Variants in CHD9 observed in about 807,000 individuals in gnomAD.
CHD9 encodes the protein chromodomain helicase DNA binding protein 9.
CHD9 carries 77 observed loss-of-function variants against 316.1 expected under a neutral mutation model. The observed-to-expected ratio is 0.24, with a 90% confidence interval of 0.20 to 0.29. The LOEUF is 0.29. Ranked by LOEUF, CHD9 falls within the 10% of genes least tolerant of loss-of-function variation. CHD9 has a pLI of 1.00. For synonymous variants in CHD9, 1,129 were observed against 1,158.3 expected (o/e 0.97, Z 0.51); for missense variants, 2,763 against 3,438.1 (o/e 0.80, Z 4.91).
At chr16:53,165,246 A>G (rs1024244469) in intron 2 of CHD9, among the ~76,000 whole-genome samples, 54 of 152,206 alleles carry the variant, frequency 3.5e-4, no homozygotes, top group Admixed American at 8.5e-4. Flanking sequence ...TTAAGATTCT[A>G]TGGTTGTAAT....
intron 18 of CHD9, 38 bp downstream of exon 18, chr16:53,254,643 G>GT (rs750459710): frequency 2.9e-5 from 45 of 1,539,404 alleles, no homozygotes; most frequent in Non-Finnish European, 3.6e-5. Context: ...ATTTTTGTGT[G>GT]TTTTTGCATT....
intron 1 of CHD9, among the ~76,000 whole-genome samples, chr16:53,135,199 TAAG>T (rs1444233437): frequency 6.6e-6 from 1 of 152,108 alleles, no homozygotes; most frequent in African/African-American, 2.4e-5. Context: ...AGAAGCATAA[TAAG>T]GCAGAAAACC....
chr16:53,115,589 C>G (rs2038231493), intron 1 of CHD9, among the ~76,000 whole-genome samples: 1 of 152,158 alleles, frequency 6.6e-6, no homozygotes, highest in Non-Finnish European at 1.5e-5. Flanking sequence ...TGTTCAAAAC[C>G]AGGTCGGATA....
At chr16:53,091,146 A>G (rs929503864) in intron 1 of CHD9, among the ~76,000 whole-genome samples, 12 of 151,990 alleles carry the variant, frequency 7.9e-5, no homozygotes, top group Non-Finnish European at 1.8e-4. Flanking sequence ...ATCCACACCA[A>G]CCCCTTCCTC....
intron 2 of CHD9, among the ~76,000 whole-genome samples, chr16:53,166,366 A>G (rs2042268922): frequency 6.6e-6 from 1 of 152,092 alleles, no homozygotes; most frequent in Admixed American, 6.5e-5. Context: ...TGGAAAACCC[A>G]GCTATTGGTG....
rs115835241 is a variant in CHD9, at chr16:53,304,631, A to G, written c.6619+6A>G. The stretch of plus-strand genomic sequence containing the variant: ...AGAAGAAGCCCAAAAACGAGGTACT[A>G]TGCATAAAATAATTCTACTTTTTTA... On this transcript the variant is annotated splice_donor_region_variant and intron_variant, in intron 31 of 38. Coordinates refer to ENST00000447540, the MANE Select transcript of CHD9 (RefSeq NM_001308319.2). 346 of 1,502,004 alleles carry G rather than the reference A, an allele frequency of 2.3e-4. No homozygotes were observed. The African/African-American group carries it at 4.7e-3, about 20-fold the overall frequency. The allele number at this position is 1,502,004 out of a possible 1,614,324, so 93.0% of individuals were successfully genotyped here.
chr16:53,126,814 G>C (rs1332255735), intron 1 of CHD9, among the ~76,000 whole-genome samples: 2 of 152,040 alleles, frequency 1.3e-5, no homozygotes, highest in East Asian at 3.9e-4. Context: ...GAGTAGCTAG[G>C]ATTACAGGCA....
At position 53,064,689 on chromosome 16, in the gene CHD9, G is replaced by C. The variant is rs184541838; in HGVS notation, c.-165+9612G>C. On this transcript the variant is annotated intron_variant, in intron 1 of 38. Coordinates refer to ENST00000447540, the MANE Select transcript of CHD9 (RefSeq NM_001308319.2). ...GGCTGCAAATGTATTAAATCACAAGGGAGGCTGGGCACAGTGGCTCATGCC... is the reference window on the plus strand; with the variant it reads ...GGCTGCAAATGTATTAAATCACAAGCGAGGCTGGGCACAGTGGCTCATGCC... Among the ~76,000 whole-genome samples the C allele has an allele frequency of 1.7e-4, 26 of 152,196 alleles. No homozygotes were observed. The East Asian group carries it at 4.4e-3, about 26-fold the overall frequency.
chr16:53,063,092 G>A (rs2033096850), intron 1 of CHD9, among the ~76,000 whole-genome samples: 1 of 152,010 alleles, frequency 6.6e-6, no homozygotes, highest in Non-Finnish European at 1.5e-5. Flanking sequence ...ACCACTTACT[G>A]GGTACTTACT....
intron 1 of CHD9, among the ~76,000 whole-genome samples, chr16:53,124,791 A>T (rs915761872): frequency 3.3e-5 from 5 of 152,062 alleles, no homozygotes; most frequent in African/African-American, 1.2e-4. Context: ...CGTGAGACTT[A>T]CTATCACGAG....
intron 19 of CHD9, 27 bp downstream of exon 19, chr16:53,255,806 A>G: frequency 3.1e-6 from 5 of 1,596,968 alleles, no homozygotes; most frequent in African/African-American, 1.3e-5. Context: ...TTTTATTAAC[A>G]TAGCAGTGAT....
chr16:53,267,564 A>T, intron 21 of CHD9, 74 bp downstream of exon 21: 1 of 1,090,418 alleles, frequency 9.2e-7, no homozygotes, highest in Non-Finnish European at 1.3e-6. Context: ...ACTGGTTTTG[A>T]GTATATTTTT....
At chr16:53,167,238 C>T (rs989661514) in intron 2 of CHD9, among the ~76,000 whole-genome samples, 5 of 152,078 alleles carry the variant, frequency 3.3e-5, no homozygotes, top group Non-Finnish European at 7.4e-5. Flanking sequence ...AAAAATGTAA[C>T]TTTACTGTAC....
intron 1 of CHD9, among the ~76,000 whole-genome samples, chr16:53,076,404 A>T (rs971497171): frequency 3.3e-5 from 5 of 152,058 alleles, no homozygotes; most frequent in Admixed American, 2.6e-4. Context: ...GCAAAACCCC[A>T]TCTCTACTAA....
chr16:53,293,433 A>G (rs1181599014), intron 29 of CHD9, among the ~76,000 whole-genome samples: 1 of 149,348 alleles, frequency 6.7e-6, no homozygotes, highest in Non-Finnish European at 1.5e-5. Flanking sequence ...CTGGCAACAA[A>G]GCAAGACCCT....
chr16:53,314,542 G>T, intron 35 of CHD9, 26 bp downstream of exon 35: 1 of 1,513,014 alleles, frequency 6.6e-7, no homozygotes, highest in South Asian at 1.3e-5. Context: ...CTTAAAAACT[G>T]ATCCTTGAAT....
At chr16:53,230,297 A>G (rs1262092851) in intron 8 of CHD9, among the ~76,000 whole-genome samples, 2 of 152,106 alleles carry the variant, frequency 1.3e-5, no homozygotes, top group Non-Finnish European at 1.5e-5. Flanking sequence ...CATAATTACT[A>G]TTATTCCATT....
chr16:53,145,075 A>T (rs891859934), intron 1 of CHD9, among the ~76,000 whole-genome samples: 6 of 152,184 alleles, frequency 3.9e-5, no homozygotes, highest in African/African-American at 1.4e-4. Context: ...ATGTCCATAG[A>T]AAAGAATTAC....
At chr16:53,230,982 G>A (rs772878322) in intron 8 of CHD9, among the ~76,000 whole-genome samples, 4 of 152,190 alleles carry the variant, frequency 2.6e-5, no homozygotes, top group Non-Finnish European at 5.9e-5. Context: ...GTAAATGAGT[G>A]CAAATGAGTT....
Sources: allele counts gnomAD v4.1 joint callset (sites outside exome capture counted in the v4.1 genomes callset), GRCh38; gene constraint gnomAD v4.1.1; transcripts MANE v1.5; gene names NCBI Gene and HGNC (gene_info 2026-07-23, HGNC 2026-07-21).